Variants in CRYZ observed in about 807,000 individuals in gnomAD.
CRYZ encodes crystallin zeta.
In CRYZ, 35 loss-of-function variants were observed where a neutral mutation model predicts 34.1. That is an observed-to-expected ratio of 1.03 (90% confidence interval 0.78 to 1.36). CRYZ has a LOEUF of 1.36. CRYZ is among the 40% of genes most tolerant of loss of function. The pLI is 0.00. For missense variants in CRYZ, 403 were observed against 391.8 expected (o/e 1.03, Z -0.24); for synonymous variants, 137 against 136.5 (o/e 1.00, Z -0.03).
intron 1 of CRYZ, among the ~76,000 whole-genome samples, chr1:74,725,600 C>A (rs1256133035): frequency 1.0e-5 from 1 of 99,160 alleles, no homozygotes; most frequent in Non-Finnish European, 1.9e-5. Context: ...CAAATCATAT[C>A]ATTCTACCCC....
At chr1:74,714,823 T>C (rs879355360) in intron 4 of CRYZ, among the ~76,000 whole-genome samples, 193 bp from the exon 5 acceptor site, 3 of 152,210 alleles carry the variant, frequency 2.0e-5, no homozygotes, top group Non-Finnish European at 4.4e-5. Context: ...CATTTATTCC[T>C]TGAACAAATA....
At chr1:74,716,567 T>C (rs772126388) in intron 4 of CRYZ, among the ~76,000 whole-genome samples, 10 of 152,126 alleles carry the variant, frequency 6.6e-5, no homozygotes, top group African/African-American at 2.4e-4. Context: ...CCTCCACTTA[T>C]AGCCACTCTC....
chr1:74,732,692 T>A (rs1338955618), intron 1 of CRYZ: 1 of 147,410 alleles, frequency 6.8e-6, no homozygotes, highest in Non-Finnish European at 1.5e-5. Context: ...CACCTCATGG[T>A]GTGGTAGCCT....
At chr1:74,722,678 A>T (rs895547779) in intron 3 of CRYZ, among the ~76,000 whole-genome samples, 32 of 152,092 alleles carry the variant, frequency 2.1e-4, no homozygotes, top group African/African-American at 7.5e-4. Context: ...AAAACTGTAT[A>T]GTGACCTTGC....
At chr1:74,717,245 C>T (rs1357273935) in intron 4 of CRYZ, among the ~76,000 whole-genome samples, 1 of 150,552 alleles carries the variant, frequency 6.6e-6, no homozygotes, top group Non-Finnish European at 1.5e-5. Flanking sequence ...AAAAAAAAAT[C>T]CCTTTTTTCC....
At chr1:74,713,994 T>C (rs1288713811) in intron 5 of CRYZ, among the ~76,000 whole-genome samples, 1 of 152,090 alleles carries the variant, frequency 6.6e-6, no homozygotes, top group Non-Finnish European at 1.5e-5. Context: ...GAAGGGCTTA[T>C]TTTAAGTTCT....
chr1:74,727,899 G>C lies in CRYZ; in HGVS notation c.-13-3065C>G, dbSNP rs968598934. On this transcript the variant is annotated intron_variant, in intron 1 of 8. Transcript: ENST00000340866. The stretch of plus-strand genomic sequence containing the variant: ...TATAATTGAAGCCAAACCTGCTTCT[G>C]TCCCACCCTTTCAAGAGGTGACTAT... 2.6e-5 allele frequency among the ~76,000 whole-genome samples: 4 copies of C among 152,118 alleles called. No individual in the cohort carries two copies. The East Asian group carries it at 5.8e-4, about 22-fold the overall frequency.
In CRYZ at chr1:74,724,790, A is replaced by C; in HGVS notation, c.32T>G (p.Val11Gly). Residue 11 changes from valine to glycine, a missense_variant, in exon 2 of 9, where the codon GTT becomes GGT. Coordinates refer to ENST00000340866, the MANE Select transcript of CRYZ (RefSeq NM_001889.4). ...TGGCCCACCAAATTCAAAAACTCTA[A>C]CAGCTCTCATCAACTTCTGTCCAGT... Reference protein sequence around the residue: MATGQKLMRAVRVFEFGGPEV... With the variant: MATGQKLMRAGRVFEFGGPEV... 6.2e-7 allele frequency: 1 copy of C among 1,613,602 alleles called. No individual in the cohort carries two copies. The highest frequency in any genetic ancestry group is 8.5e-7 in the Non-Finnish European group (1 of 1,179,704).
At chr1:74,710,679 G>T (rs1646989945) in intron 5 of CRYZ, among the ~76,000 whole-genome samples, 1 of 152,042 alleles carries the variant, frequency 6.6e-6, no homozygotes, top group Non-Finnish European at 1.5e-5. Context: ...ACTTCTTTGT[G>T]CATATGAAAT....
At chr1:74,713,981 A>G (rs1325559858) in intron 5 of CRYZ, among the ~76,000 whole-genome samples, 1 of 152,018 alleles carries the variant, frequency 6.6e-6, no homozygotes, top group Admixed American at 6.6e-5. Flanking sequence ...GGGTGATTTC[A>G]TTGAAGGGCT....
intron 1 of CRYZ, among the ~76,000 whole-genome samples, chr1:74,732,575 G>A (rs1292617740): frequency 5.0e-5 from 7 of 138,618 alleles, no homozygotes; most frequent in African/African-American, 1.9e-4. Context: ...TGGCTGCAGG[G>A]AAAAATCAAG....
At chr1:74,717,686 A>C (rs1557727524) in intron 4 of CRYZ, among the ~76,000 whole-genome samples, 1 of 152,170 alleles carries the variant, frequency 6.6e-6, no homozygotes, top group Admixed American at 6.6e-5. Flanking sequence ...AAGTAACTTA[A>C]CCAAGGTCAC....
chr1:74,722,862 A>T (rs1435850989), intron 3 of CRYZ, among the ~76,000 whole-genome samples: 1 of 152,174 alleles, frequency 6.6e-6, no homozygotes, highest in African/African-American at 2.4e-5. Context: ...AAATAAAAAA[A>T]ATCACAGTTC....
intron 1 of CRYZ, among the ~76,000 whole-genome samples, chr1:74,730,010 T>C (rs1647622462): frequency 6.6e-6 from 1 of 152,176 alleles, no homozygotes; most frequent in Admixed American, 6.5e-5. Flanking sequence ...GCTTGCTTTT[T>C]CCATTTTCGA....
chr1:74,724,139 G>A (rs1165311595), intron 2 of CRYZ, among the ~76,000 whole-genome samples: 1 of 152,186 alleles, frequency 6.6e-6, no homozygotes, highest in Non-Finnish European at 1.5e-5. Context: ...TCTCTACATG[G>A]AGAGGAAGTG....
intron 2 of CRYZ, 95 bp downstream of exon 2, chr1:74,724,616 T>A (rs1028372758): frequency 1.3e-6 from 1 of 776,468 alleles, no homozygotes. Context: ...TCAATGTTTT[T>A]AAAAATAATT....
intron 2 of CRYZ, among the ~76,000 whole-genome samples, chr1:74,724,425 A>G (rs975137428): frequency 1.3e-5 from 2 of 152,238 alleles, no homozygotes; most frequent in Non-Finnish European, 2.9e-5. Context: ...AACTTATTCA[A>G]AACTCCTTAT....
intron 3 of CRYZ, among the ~76,000 whole-genome samples, chr1:74,721,411 G>C (rs1426684389): frequency 6.6e-6 from 1 of 152,154 alleles, no homozygotes; most frequent in East Asian, 1.9e-4. Context: ...GAGAGAGCAT[G>C]AAACAGTCTT....
intron 6 of CRYZ, chr1:74,707,573 C>A (rs4650282): frequency 0.19 from 29,629 of 155,660 alleles, 4,038 homozygotes; most frequent in East Asian, 0.59. Flanking sequence ...CCAGGGGGCT[C>A]CCATTTTTAT....
Sources: allele counts gnomAD v4.1 joint callset (sites outside exome capture counted in the v4.1 genomes callset), GRCh38; gene constraint gnomAD v4.1.1; transcripts MANE v1.5; gene names NCBI Gene and HGNC (gene_info 2026-07-23, HGNC 2026-07-21).